CCDC92B: variants seen among roughly 807,000 people sequenced by gnomAD.
The protein encoded by CCDC92B is coiled-coil domain-containing 92B.
A neutral mutation model predicts 5.6 loss-of-function variants in CCDC92B; 2 were observed. The observed-to-expected ratio is 0.36, with a 90% CI of 0.15 to 1.12. The LOEUF is 1.12. Ranked by LOEUF, CCDC92B falls within the 50% of genes most tolerant of loss-of-function variation. The pLI, the probability that CCDC92B is intolerant of heterozygous loss-of-function variation, is 0.40. For missense variants in CCDC92B, 271 were observed against 262.2 expected (o/e 1.03, Z -0.23); for synonymous variants, 115 against 122.3 (o/e 0.94, Z 0.39).
At chr17:2,740,258 T>C (rs1421071884) in intron 1 of CCDC92B, among the ~76,000 whole-genome samples, 1 of 151,890 alleles carries the variant, frequency 6.6e-6, no homozygotes, top group Admixed American at 6.6e-5. Context: ...CCCCTGTGAT[T>C]AGGCTATACA....
intron 3 of CCDC92B, among the ~76,000 whole-genome samples, chr17:2,726,965 C>G (rs1193925895): frequency 6.8e-6 from 1 of 148,118 alleles, no homozygotes; most frequent in Non-Finnish European, 1.5e-5. Flanking sequence ...GGCTGGAGTG[C>G]AGCGGCATAG....
At chr17:2,741,301 G>A (rs1313908733) in intron 1 of CCDC92B, among the ~76,000 whole-genome samples, 1 of 152,056 alleles carries the variant, frequency 6.6e-6, no homozygotes, top group East Asian at 1.9e-4. Context: ...GCTAGTAAGG[G>A]CTGAGGTGAA....
At chr17:2,739,776 C>G (rs1399950755) in intron 1 of CCDC92B, among the ~76,000 whole-genome samples, 1 of 152,054 alleles carries the variant, frequency 6.6e-6, no homozygotes, top group Non-Finnish European at 1.5e-5. Flanking sequence ...GTCAATGCTA[C>G]CTCCCTTCTT....
intron 1 of CCDC92B, among the ~76,000 whole-genome samples, chr17:2,736,228 A>G (rs1418070193): frequency 6.6e-6 from 1 of 152,004 alleles, no homozygotes; most frequent in Non-Finnish European, 1.5e-5. Flanking sequence ...GGAGTTCAAG[A>G]CCAGCCTTTC....
At chr17:2,726,605 CTG>C in intron 3 of CCDC92B, among the ~76,000 whole-genome samples, 2 of 152,156 alleles carry the variant, frequency 1.3e-5, no homozygotes, top group Admixed American at 6.5e-5. Context: ...GCGTGAGCCA[CTG>C]CACCTGGCCT....
chr17:2,730,225 C>T (rs1036304316), intron 3 of CCDC92B, among the ~76,000 whole-genome samples: 3 of 152,084 alleles, frequency 2.0e-5, no homozygotes, highest in Non-Finnish European at 2.9e-5. Context: ...TGCACAAGGT[C>T]ACCCAACTGA....
At chr17:2,727,767 T>C (rs2151737519) in intron 3 of CCDC92B, among the ~76,000 whole-genome samples, 1 of 149,646 alleles carries the variant, frequency 6.7e-6, no homozygotes, top group South Asian at 2.1e-4. Flanking sequence ...GAGGTTGCAG[T>C]GAGCTGAGAT....
intron 3 of CCDC92B, among the ~76,000 whole-genome samples, chr17:2,726,388 TAGCC>T (rs1327220454): frequency 6.6e-6 from 1 of 151,418 alleles, no homozygotes; most frequent in Non-Finnish European, 1.5e-5. Flanking sequence ...TTCACCATGT[TAGCC>T]AGGATGGTTT....
In CCDC92B at chr17:2,734,924, C is replaced by T. The variant is rs568793396; in HGVS notation, c.130+92G>A. 1.5e-5 allele frequency: 14 copies of T among 928,774 alleles called. No homozygotes were observed. In the South Asian group the frequency reaches 2.0e-4, roughly 13 times the overall value. The allele number at this position is 928,774 out of a possible 1,614,324, so 57.5% of individuals were successfully genotyped here. A position where few individuals can be genotyped will look rare whatever the true frequency, so the allele number is the denominator to read the frequency against. ...CAGAATCGGTGCAGTGTGAGGCTCA[C>T]GGGGGCTGTTGGTGGGCACAACCCA... On this transcript the variant is annotated intron_variant, in intron 2 of 3. Coordinates refer to ENST00000614400, the MANE Select transcript of CCDC92B (RefSeq NM_001355573.2).
At chr17:2,745,420 G>A (rs1030954481) in intron 1 of CCDC92B, among the ~76,000 whole-genome samples, 1 of 152,226 alleles carries the variant, frequency 6.6e-6, no homozygotes, top group African/African-American at 2.4e-5. Flanking sequence ...GCCACCGTGA[G>A]AGACTGAGCC....
intron 2 of CCDC92B, among the ~76,000 whole-genome samples, chr17:2,730,773 A>C (rs1485723583): frequency 3.3e-5 from 5 of 152,158 alleles, no homozygotes; most frequent in African/African-American, 1.2e-4. Flanking sequence ...TTCGGAGTTT[A>C]GTTCACCCCT....
At chr17:2,746,012 G>C (rs2070981980) in intron 1 of CCDC92B, among the ~76,000 whole-genome samples, 1 of 150,994 alleles carries the variant, frequency 6.6e-6, no homozygotes, top group Non-Finnish European at 1.5e-5. Flanking sequence ...ATGGAGTTTT[G>C]CTCTTGTTGC....
At chr17:2,739,339 C>G (rs2070898154) in intron 1 of CCDC92B, among the ~76,000 whole-genome samples, 1 of 151,442 alleles carries the variant, frequency 6.6e-6, no homozygotes. Context: ...TGCACTCCAG[C>G]CTGGCGACAG....
intron 1 of CCDC92B, among the ~76,000 whole-genome samples, chr17:2,737,420 C>G (rs911609844): frequency 1.3e-5 from 2 of 148,624 alleles, no homozygotes; most frequent in Admixed American, 1.3e-4. Flanking sequence ...GGGCCCCTTT[C>G]TCTGGTACTC....
In CCDC92B at chr17:2,735,259, C is replaced by T. The variant is rs562970359; in HGVS notation, c.-23-91G>A. On this transcript the variant is annotated intron_variant, in intron 1 of 3. Transcript: ENST00000614400. ...TTTCACTGTCTCCTCCGCTCTAGGT[C>T]CTGTTGCCACCAGGAAGATGATTCT... 4.7e-6 allele frequency: 4 copies of T among 857,096 alleles called. No homozygotes were observed. The South Asian group carries it at 2.1e-4, about 46-fold the overall frequency. 53.1% of individuals were successfully genotyped at this position (857,096 alleles called of 1,614,324 possible).
intron 2 of CCDC92B, among the ~76,000 whole-genome samples, chr17:2,731,991 C>T (rs542705562): frequency 5.2e-4 from 79 of 152,322 alleles, no homozygotes; most frequent in Non-Finnish European, 8.7e-4. Flanking sequence ...GGGCCAGTAA[C>T]AGCACTTCTC....
intron 1 of CCDC92B, 70 bp from the exon 2 acceptor site, chr17:2,735,238 A>T: frequency 1.0e-6 from 1 of 963,072 alleles, no homozygotes; most frequent in South Asian, 4.8e-5. Flanking sequence ...CAGCTCTTTC[A>T]CTGTCTCCTC....
intron 1 of CCDC92B, among the ~76,000 whole-genome samples, chr17:2,742,631 A>C (rs535961985): frequency 6.6e-6 from 1 of 152,248 alleles, no homozygotes; most frequent in Non-Finnish European, 1.5e-5. Context: ...CTTTATCTAT[A>C]ATCACTCCCT....
intron 3 of CCDC92B, among the ~76,000 whole-genome samples, chr17:2,726,360 T>A (rs2070730391): frequency 6.6e-6 from 1 of 151,156 alleles, no homozygotes; most frequent in African/African-American, 2.4e-5. Context: ...TTTTTTGTAT[T>A]TTTAGTAGAG....
Sources: allele counts gnomAD v4.1 joint callset (sites outside exome capture counted in the v4.1 genomes callset), GRCh38; gene constraint gnomAD v4.1.1; transcripts MANE v1.5; gene names NCBI Gene and HGNC (gene_info 2026-07-23, HGNC 2026-07-21).